Variants in EFL1 observed in about 807,000 individuals in gnomAD.
EFL1 encodes the protein elongation factor-like GTPase 1.
EFL1 carries 76 observed loss-of-function variants against 126.7 expected under a neutral mutation model. The observed-to-expected ratio is 0.60, with a 90% CI of 0.50 to 0.73. The LOEUF (loss-of-function observed/expected upper bound fraction) is 0.73. Ranked by LOEUF, EFL1 falls within the 30% of genes least tolerant of loss-of-function variation. The pLI, the probability that EFL1 is intolerant of heterozygous loss-of-function variation, is 0.00. For synonymous variants in EFL1, 410 were observed against 448.4 expected (o/e 0.91, Z 1.08); for missense variants, 1,128 against 1,343.2 (o/e 0.84, Z 2.50).
At chr15:82,231,407 G>T (rs2074820951) in intron 7 of EFL1, among the ~76,000 whole-genome samples, 1 of 152,028 alleles carries the variant, frequency 6.6e-6, no homozygotes, top group South Asian at 2.1e-4. Flanking sequence ...GCCAAAACAA[G>T]ATTTTTATTA....
intron 19 of EFL1, among the ~76,000 whole-genome samples, chr15:82,130,910 G>A (rs2073635249): frequency 6.6e-6 from 1 of 152,172 alleles, no homozygotes; most frequent in Non-Finnish European, 1.5e-5. Flanking sequence ...TGCTACTAGG[G>A]AGGCTGAGGC....
chr15:82,192,960 T>G (rs1205218211), intron 15 of EFL1, among the ~76,000 whole-genome samples: 1 of 152,204 alleles, frequency 6.6e-6, no homozygotes, highest in Non-Finnish European at 1.5e-5. Context: ...TCAACGGTTA[T>G]GTCAGAGAAG....
intron 4 of EFL1, among the ~76,000 whole-genome samples, chr15:82,246,455 G>T (rs1198943404): frequency 1.3e-5 from 2 of 152,124 alleles, no homozygotes; most frequent in East Asian, 3.9e-4. Context: ...ACTGTAAGGT[G>T]CTAGTCTCAT....
chr15:82,241,437 TG>T lies in EFL1; in HGVS notation c.245-35del, dbSNP rs547321659. The T allele has an allele frequency of 8.8e-4, 1,415 of 1,602,150 alleles. 6 individuals carry two copies. The African/African-American group carries it at 0.014, about 16-fold the overall frequency. On this transcript the variant is annotated intron_variant, in intron 4 of 19. Coordinates refer to ENST00000268206, the MANE Select transcript of EFL1 (RefSeq NM_024580.6). ...CAATTTGTAAACACACATTTTCAGT[TG>T]TCCAGGTACACAATGTTCTTCCTCA...
At chr15:82,170,390 A>T (rs2074122955) in intron 15 of EFL1, among the ~76,000 whole-genome samples, 1 of 152,112 alleles carries the variant, frequency 6.6e-6, no homozygotes, top group Non-Finnish European at 1.5e-5. Flanking sequence ...CTGGGATTAC[A>T]GGCGTGAGCC....
At chr15:82,162,223 A>G (rs932727090) in intron 16 of EFL1, among the ~76,000 whole-genome samples, 2 of 152,160 alleles carry the variant, frequency 1.3e-5, no homozygotes, top group African/African-American at 4.8e-5. Context: ...GCTGCAGTGA[A>G]TCGTGATTGT....
chr15:82,207,833 C>T (rs1430124653), intron 15 of EFL1, among the ~76,000 whole-genome samples: 1 of 151,922 alleles, frequency 6.6e-6, no homozygotes, highest in African/African-American at 2.4e-5. Context: ...AGGGATTCTC[C>T]TGCCTCAGCC....
At chr15:82,146,237 G>GA (rs1258401630) in intron 18 of EFL1, among the ~76,000 whole-genome samples, 2 of 151,924 alleles carry the variant, frequency 1.3e-5, no homozygotes, top group African/African-American at 2.4e-5. Context: ...AATCTATGTA[G>GA]AAAAAACTAA....
intron 3 of EFL1, among the ~76,000 whole-genome samples, chr15:82,256,501 CA>C (rs1214973382): frequency 6.6e-6 from 1 of 152,144 alleles, no homozygotes; most frequent in Non-Finnish European, 1.5e-5. Context: ...ACCTCCAGTA[CA>C]ATCTAAAGTA....
chr15:82,130,250 G>T lies in EFL1; in HGVS notation c.*123C>A. 1.9e-6 allele frequency: 2 copies of T among 1,056,054 alleles called. No individual in the cohort carries two copies. The highest frequency in any genetic ancestry group is 1.7e-5 in the South Asian group (1 of 57,446). 65.4% of individuals were successfully genotyped at this position (1,056,054 alleles called of 1,614,324 possible). ...ACATCCTCTTTAAAATATTTATATGGATCAACTTTATTGAAAGTGAATAAA... is the reference window on the plus strand; with the variant it reads ...ACATCCTCTTTAAAATATTTATATGTATCAACTTTATTGAAAGTGAATAAA... On this transcript the variant is annotated 3_prime_UTR_variant, in exon 20 of 20. Coordinates refer to ENST00000268206, the MANE Select transcript of EFL1 (RefSeq NM_024580.6).
Position 82,164,217 on chromosome 15 carries a change from A to G in EFL1, c.1751-233T>C, listed in dbSNP as rs117738548. 9.0e-3 allele frequency among the ~76,000 whole-genome samples: 1,364 copies of G among 152,146 alleles called. 11 individuals carry two copies. Among genetic ancestry groups the G allele is most frequent in the Middle Eastern group, 0.038 (11 of 292 alleles). On this transcript the variant is annotated intron_variant, in intron 15 of 19. Transcript: ENST00000268206. The stretch of plus-strand genomic sequence containing the variant: ...GTTTCCCACATGTACAAATCCTATT[A>G]TATCAGATTGGGCTAATGCATAGCT...
At chr15:82,166,158 T>A (rs1386309807) in intron 15 of EFL1, among the ~76,000 whole-genome samples, 1 of 152,200 alleles carries the variant, frequency 6.6e-6, no homozygotes, top group African/African-American at 2.4e-5. Flanking sequence ...CAGCATGCAT[T>A]TCCTTCCTAC....
chr15:82,216,822 A>T (rs967739423), intron 14 of EFL1, among the ~76,000 whole-genome samples: 3 of 152,186 alleles, frequency 2.0e-5, no homozygotes, highest in African/African-American at 7.2e-5. Context: ...AAATAATGAT[A>T]ATTCGAGTAC....
At chr15:82,189,682 A>G (rs1595971412) in intron 15 of EFL1, among the ~76,000 whole-genome samples, 1 of 152,112 alleles carries the variant, frequency 6.6e-6, no homozygotes, top group Non-Finnish European at 1.5e-5. Flanking sequence ...TGTTCTTTCA[A>G]TGAGAGCCCA....
At chr15:82,146,477 C>A (rs1164239202) in intron 18 of EFL1, among the ~76,000 whole-genome samples, 1 of 152,062 alleles carries the variant, frequency 6.6e-6, no homozygotes, top group African/African-American at 2.4e-5. Context: ...CACAAGTGAA[C>A]AGCTGACTGC....
intron 4 of EFL1, among the ~76,000 whole-genome samples, chr15:82,246,908 C>T (rs1358810183): frequency 6.6e-6 from 1 of 152,146 alleles, no homozygotes; most frequent in Admixed American, 6.5e-5. Flanking sequence ...GATGGGAAAT[C>T]TGCCAGCAGT....
intron 11 of EFL1, 68 bp downstream of exon 11, chr15:82,227,382 G>T: frequency 1.9e-6 from 3 of 1,611,872 alleles, no homozygotes; most frequent in Non-Finnish European, 2.5e-6. Context: ...CAGCAAACTG[G>T]TCTAGAGCAG....
chr15:82,149,388 A>G (rs1037034973), intron 18 of EFL1, among the ~76,000 whole-genome samples: 2 of 152,176 alleles, frequency 1.3e-5, no homozygotes, highest in Non-Finnish European at 2.9e-5. Flanking sequence ...GTGGGAAAAC[A>G]TAACTTTGTT....
chr15:82,158,866 C>CT (rs2073994000), intron 16 of EFL1, among the ~76,000 whole-genome samples: 1 of 152,106 alleles, frequency 6.6e-6, no homozygotes, highest in South Asian at 2.1e-4. Context: ...AACGATGAGG[C>CT]GGTATGATGA....
Sources: allele counts gnomAD v4.1 joint callset (sites outside exome capture counted in the v4.1 genomes callset), GRCh38; gene constraint gnomAD v4.1.1; transcripts MANE v1.5; gene names NCBI Gene and HGNC (gene_info 2026-07-23, HGNC 2026-07-21).